The following LY96 variants were observed in gnomAD, a reference collection of about 807,000 sequenced individuals.
The protein encoded by LY96 is myeloid differentiation protein-2.
A neutral mutation model predicts 18.9 loss-of-function variants in LY96; 18 were observed. The ratio of observed to expected loss-of-function variants is 0.95; its 90% CI spans 0.66 to 1.41. LY96 has a LOEUF of 1.41. Among genes scored for constraint, LY96 ranks in the 40% most tolerant of loss-of-function variants. LY96 has a pLI of 0.00. For synonymous variants in LY96, 66 were observed against 62.6 expected, an observed-to-expected ratio of 1.06 and a Z score of -0.26; for missense variants, 175 against 182.4, an observed-to-expected ratio of 0.96 and a Z score of 0.23.
At chr8:74,004,761 T>C (rs776955086) in intron 1 of LY96, 35 bp from the exon 2 acceptor site, 1 of 1,501,004 alleles carries the variant, frequency 6.7e-7, no homozygotes. Context: ...AGATGATTTG[T>C]AGTAATTTAT....
At chr8:74,042,202 G>A in the LY96 span, among the ~76,000 whole-genome samples, 4 of 152,164 alleles carry the variant, frequency 2.6e-5, no homozygotes, top group Non-Finnish European at 4.4e-5. Context: ...GCATTACTGT[G>A]TACCTTTCTA....
At chr8:74,022,915 G>A (rs1002624779) in intron 3 of LY96, among the ~76,000 whole-genome samples, 5 of 151,992 alleles carry the variant, frequency 3.3e-5, no homozygotes, top group Non-Finnish European at 5.9e-5. Flanking sequence ...ATATCCTCAA[G>A]TCTCATCCAT....
the LY96 span, among the ~76,000 whole-genome samples, chr8:74,050,168 C>A: frequency 6.6e-6 from 1 of 151,872 alleles, no homozygotes; most frequent in Non-Finnish European, 1.5e-5. Flanking sequence ...CATGGTGAAA[C>A]CCCATCTCTA....
the LY96 span, chr8:74,099,763 C>T: frequency 6.6e-6 from 1 of 152,032 alleles, no homozygotes; most frequent in African/African-American, 2.4e-5. Flanking sequence ...CTGTTTTTGG[C>T]TTCTGACCAG....
chr8:74,026,965 A>G, intron 4 of LY96, 124 bp downstream of exon 4: 1 of 602,244 alleles, frequency 1.7e-6, no homozygotes, highest in Non-Finnish European at 3.0e-6. Flanking sequence ...ATGGGATCTC[A>G]GTCTGTTACC....
the LY96 span, among the ~76,000 whole-genome samples, chr8:74,080,676 A>G: frequency 1.3e-5 from 2 of 152,146 alleles, no homozygotes; most frequent in African/African-American, 4.8e-5. Context: ...AAAGCTCCCT[A>G]TGTGCTTTTT....
At chr8:73,992,671 C>T (rs961080185) in intron 1 of LY96, among the ~76,000 whole-genome samples, 5 of 152,088 alleles carry the variant, frequency 3.3e-5, no homozygotes, top group African/African-American at 1.2e-4. Flanking sequence ...CACCATGGCC[C>T]TTCTCCTGGT....
chr8:74,002,886 A>G (rs1442627377), intron 1 of LY96, among the ~76,000 whole-genome samples: 1 of 151,986 alleles, frequency 6.6e-6, no homozygotes, highest in Non-Finnish European at 1.5e-5. Flanking sequence ...CAGCTCCATG[A>G]TTTCTGTGTG....
chr8:74,019,379 G>A (rs561034497), intron 3 of LY96, among the ~76,000 whole-genome samples: 159 of 152,222 alleles, frequency 1.0e-3, no homozygotes, highest in African/African-American at 3.7e-3. Context: ...GGAAGAAGTC[G>A]AATCCCTGAA....
intron 1 of LY96, among the ~76,000 whole-genome samples, chr8:74,000,284 A>T (rs1476127791): frequency 6.6e-6 from 1 of 151,972 alleles, no homozygotes; most frequent in Non-Finnish European, 1.5e-5. Context: ...GATAGAGTAG[A>T]TCCTTGCTCT....
downstream of LY96, among the ~76,000 whole-genome samples, chr8:74,030,636 G>C (rs567671771): frequency 1.6e-4 from 24 of 152,284 alleles, no homozygotes; most frequent in African/African-American, 5.5e-4. Context: ...CCTCGTGTGT[G>C]TTTGTGTCCT....
chr8:73,996,999 C>T (rs1004764882), intron 1 of LY96, among the ~76,000 whole-genome samples: 1 of 152,208 alleles, frequency 6.6e-6, no homozygotes, highest in African/African-American at 2.4e-5. Flanking sequence ...CCCGCCTGGG[C>T]CTCCCAAAGT....
the LY96 span, among the ~76,000 whole-genome samples, chr8:74,066,779 G>A: frequency 2.6e-5 from 4 of 152,178 alleles, no homozygotes; most frequent in Non-Finnish European, 5.9e-5. Flanking sequence ...GTTAAGCGAG[G>A]ATGAAGGTGT....
chr8:74,020,585 G>C (rs990695918), intron 3 of LY96, among the ~76,000 whole-genome samples: 1 of 152,056 alleles, frequency 6.6e-6, no homozygotes, highest in Non-Finnish European at 1.5e-5. Flanking sequence ...AGTTCATCTG[G>C]AACCAAAAAA....
chr8:74,038,200 A>G, the LY96 span, among the ~76,000 whole-genome samples: 2 of 152,300 alleles, frequency 1.3e-5, no homozygotes, highest in East Asian at 3.9e-4. Context: ...CAAACAATTG[A>G]ATTATACTCT....
the LY96 span, among the ~76,000 whole-genome samples, chr8:74,057,462 A>G: frequency 1.3e-5 from 2 of 152,212 alleles, no homozygotes; most frequent in Admixed American, 1.3e-4. Context: ...AGGTAACTGG[A>G]AGGTCATTTA....
the LY96 span, among the ~76,000 whole-genome samples, chr8:74,034,917 C>A: frequency 6.6e-6 from 1 of 152,146 alleles, no homozygotes; most frequent in Non-Finnish European, 1.5e-5. Context: ...AAACAAGGGA[C>A]TTTGCCTACT....
intron 3 of LY96, among the ~76,000 whole-genome samples, chr8:74,026,166 C>G (rs1816867713): frequency 6.6e-6 from 1 of 152,080 alleles, no homozygotes; most frequent in Admixed American, 6.6e-5. Context: ...ATATTTTTGG[C>G]CACTGTTTCT....
intron 1 of LY96, among the ~76,000 whole-genome samples, chr8:74,002,017 TCC>T (rs1414727332): frequency 1.1e-4 from 1 of 9,178 alleles, no homozygotes; most frequent in African/African-American, 7.4e-4. Flanking sequence ...CTTCCTTCCT[TCC>T]TTCCTTCCTT....
Sources: allele counts gnomAD v4.1 joint callset (sites outside exome capture counted in the v4.1 genomes callset), GRCh38; gene constraint gnomAD v4.1.1; transcripts MANE v1.5; gene names NCBI Gene and HGNC (gene_info 2026-07-23, HGNC 2026-07-21).